LRP2: variants seen among roughly 807,000 people sequenced by gnomAD.
LRP2 encodes the protein LDL receptor related protein 2.
A neutral mutation model predicts 531.0 loss-of-function variants in LRP2; 172 were observed. The ratio of observed to expected loss-of-function variants is 0.32; its 90% CI spans 0.29 to 0.37. The LOEUF (loss-of-function observed/expected upper bound fraction) is 0.37, where lower values mean the gene tolerates loss of function less well. Ranked by LOEUF, LRP2 falls within the 10% of genes least tolerant of loss-of-function variation. LRP2 has a pLI of 1.00. For synonymous variants in LRP2, 1,992 were observed against 2,027.6 expected, an observed-to-expected ratio of 0.98 and a Z score of 0.47; for missense variants, 5,167 against 5,868.3, an observed-to-expected ratio of 0.88 and a Z score of 3.90.
intron 59 of LRP2, 21 bp downstream of exon 59, chr2:169,170,530 A>T (rs776617970): frequency 6.3e-6 from 10 of 1,584,092 alleles, no homozygotes; most frequent in Non-Finnish European, 8.7e-6. Context: ...TTCTATGGTA[A>T]GCTTCTCAAA....
intron 47 of LRP2, among the ~76,000 whole-genome samples, chr2:169,192,530 G>A (rs1057391480): frequency 6.6e-6 from 1 of 152,060 alleles, no homozygotes; most frequent in Non-Finnish European, 1.5e-5. Flanking sequence ...TCAAACCTAG[G>A]TCTTTCTCCT....
intron 47 of LRP2, 80 bp from the exon 48 acceptor site, chr2:169,192,113 C>A: frequency 9.3e-7 from 1 of 1,071,434 alleles, no homozygotes; most frequent in South Asian, 1.5e-5. Context: ...ATGTTACTTA[C>A]CATTCTAAGT....
rs1689678814 is a variant in LRP2, at chr2:169,238,269, T to G, written c.4328A>C (p.Gln1443Pro). 1.9e-6 allele frequency: 3 copies of G among 1,614,176 alleles called. No homozygotes were observed. In the African/African-American group the frequency reaches 4.0e-5, roughly 22 times the overall value. Residue 1443 changes from glutamine (Q) to proline (P), a missense_variant, in exon 27 of 79, where the codon CAG (glutamine) becomes CCG (proline). This residue lies in a region of LRP2 where 2,811 missense variants were observed against 3,058.0 expected (regional missense o/e 0.92). Coordinates refer to ENST00000649046, the MANE Select transcript of LRP2 (RefSeq NM_004525.3). The part of the protein sequence containing the change: ...SESLLLLVAS[Q>P]NKIIADSVTS... ...GACACTGTCGGCAATAATTTTGTTC[T>G]GACTTGCCACAAGTAACAGCAGACT... is the stretch of plus-strand genomic sequence containing the variant.
rs555934286 is a variant in LRP2, at chr2:169,266,650, G to A, written c.2320+4254C>T. ...ACCAGGCAGTGTAGCTCCTAAGCTG[G>A]CTCTCTTAGTTGGTATGTTATATTG... is the stretch of plus-strand genomic sequence containing the variant. On this transcript the variant is annotated intron_variant, in intron 16 of 78. Transcript: ENST00000649046. 3.3e-5 allele frequency among the ~76,000 whole-genome samples: 5 copies of A among 152,068 alleles called. No individual in the cohort carries two copies. In the East Asian group the frequency reaches 9.7e-4, roughly 30 times the overall value.
chr2:169,203,237 C>A (rs1378192206), intron 42 of LRP2, among the ~76,000 whole-genome samples: 2 of 152,238 alleles, frequency 1.3e-5, no homozygotes, highest in East Asian at 3.8e-4. Flanking sequence ...TCAAAAGGCA[C>A]ATCTTCCCGT....
chr2:169,300,642 G>A (rs1375306691), intron 4 of LRP2, among the ~76,000 whole-genome samples: 2 of 151,990 alleles, frequency 1.3e-5, no homozygotes, highest in African/African-American at 4.8e-5. Context: ...TTGTATGATG[G>A]AAACTAAATA....
intron 3 of LRP2, among the ~76,000 whole-genome samples, chr2:169,314,380 G>A (rs1559071161): frequency 6.6e-6 from 1 of 151,388 alleles, no homozygotes; most frequent in Non-Finnish European, 1.5e-5. Flanking sequence ...CTATAATCAT[G>A]CCACTGCACT....
chr2:169,170,056 G>A lies in LRP2; in HGVS notation c.11381-238C>T, dbSNP rs569700285. On this transcript the variant is annotated intron_variant, in intron 59 of 78. Coordinates refer to ENST00000649046, the MANE Select transcript of LRP2 (RefSeq NM_004525.3). ...ATATTAAATAATCTCCAGCTCTTAA[G>A]CTTTTCCTCAGAAATCGGAATTCCC... 3.3e-5 allele frequency among the ~76,000 whole-genome samples: 5 copies of A among 152,286 alleles called. No homozygotes were observed. The South Asian group carries it at 1.0e-3, about 32-fold the overall frequency.
Position 169,204,265 on chromosome 2 carries a change from C to A in LRP2, c.7722G>T (p.Arg2574Ser). The A allele has an allele frequency of 1.2e-6, 2 of 1,612,518 alleles. No homozygotes were observed. Among genetic ancestry groups the A allele is most frequent in the Non-Finnish European group, 8.5e-7 (1 of 1,180,000 alleles). ...CGCCCGTCAGAGTGCTGCGTTCAAT[C>A]CTCTGCCTAAAATGAAGCAAAAAAA... The part of the protein sequence containing the change: ...LLYWVDASLQ[R>S]IERSTLTGVD... The change falls in exon 42 of 79, where the codon AGG becomes AGT. Residue 2574 changes from arginine (R) to serine (S), a missense_variant. By Grantham distance (110) the Arg-to-Ser change is moderately radical. This residue lies in a region of LRP2 where 1,129 missense variants were observed against 1,362.7 expected (regional missense o/e 0.83). Coordinates refer to ENST00000649046, the MANE Select transcript of LRP2 (RefSeq NM_004525.3).
At chr2:169,279,094 G>A (rs977413259) in intron 12 of LRP2, among the ~76,000 whole-genome samples, 2 of 152,114 alleles carry the variant, frequency 1.3e-5, no homozygotes, top group African/African-American at 2.4e-5. Flanking sequence ...CTAGGAAAAC[G>A]TGGCAAACAC....
intron 15 of LRP2, among the ~76,000 whole-genome samples, chr2:169,272,489 C>T (rs780058276): frequency 4.6e-5 from 7 of 152,026 alleles, no homozygotes; most frequent in African/African-American, 7.2e-5. Flanking sequence ...AAGGGGCATA[C>T]GTGGTGGTCT....
At position 169,239,613 on chromosome 2, in the gene LRP2, T is replaced by C. The variant is rs755916863; in HGVS notation, c.4208A>G (p.His1403Arg). Residue 1403 changes from histidine (H) to arginine (R), a missense_variant, in exon 26 of 79, where the codon CAC becomes CGC. His to Arg is a conservative substitution (Grantham distance 29). Around this residue, in one of 6 missense-constraint regions of LRP2, gnomAD observed 2,811 missense variants for 3,058.0 expected, o/e 0.92. Coordinates refer to ENST00000649046, the MANE Select transcript of LRP2 (RefSeq NM_004525.3). ...ECDILGSCSQHCYNMRGSFRC... is the reference protein window; with the variant it reads ...ECDILGSCSQRCYNMRGSFRC... Reference sequence around the variant, plus strand: ...GAAAGAACCTCTCATATTGTAACAGTGCTGGCTACAAGAGCCTAGAATATC... The same window carrying C: ...GAAAGAACCTCTCATATTGTAACAGCGCTGGCTACAAGAGCCTAGAATATC... The C allele has an allele frequency of 4.3e-6, 7 of 1,614,108 alleles. No individual in the cohort carries two copies. In the Admixed American group the frequency reaches 6.7e-5, roughly 15 times the overall value.
intron 36 of LRP2, among the ~76,000 whole-genome samples, chr2:169,212,780 A>AG (rs1688640374): frequency 7.2e-6 from 1 of 138,032 alleles, no homozygotes. Flanking sequence ...GAAGGGTGGG[A>AG]GGGGGGCGAG....
rs145135773 is a variant in LRP2 at position 169,342,735 on chromosome 2, A to G, written c.79+19586T>C. Among the ~76,000 whole-genome samples, 157 of 152,254 alleles carry G rather than the reference A, an allele frequency of 1.0e-3. No individual in the cohort carries two copies. The Middle Eastern group carries it at 0.024, about 23-fold the overall frequency. On this transcript the variant is annotated intron_variant, in intron 1 of 78. Coordinates refer to ENST00000649046, the MANE Select transcript of LRP2 (RefSeq NM_004525.3). Reference sequence around the variant, plus strand: ...TATAGACCTCTCACCCTGTAGCACAATTGTTTATTTGCATGTCTTATTCAT... The same window carrying G: ...TATAGACCTCTCACCCTGTAGCACAGTTGTTTATTTGCATGTCTTATTCAT...
chr2:169,277,193 CAAAAAA>C (rs5836227), intron 13 of LRP2, among the ~76,000 whole-genome samples: 1 of 88,156 alleles, frequency 1.1e-5, no homozygotes, highest in Non-Finnish European at 2.2e-5. Flanking sequence ...GACTCCATCT[CAAAAAA>C]AAAAAAAAAA....
At chr2:169,261,693 G>A (rs1690561215) in intron 16 of LRP2, among the ~76,000 whole-genome samples, 1 of 152,088 alleles carries the variant, frequency 6.6e-6, no homozygotes, top group Non-Finnish European at 1.5e-5. Flanking sequence ...CATTCCTTCT[G>A]AAATGATTCC....
At position 169,198,858 on chromosome 2, in the gene LRP2, T is replaced by C. The variant is rs781615783; in HGVS notation, c.8506A>G (p.Ile2836Val). 25 of 1,613,876 alleles carry C rather than the reference T, an allele frequency of 1.5e-5. No homozygotes were observed. The East Asian group carries it at 4.9e-4, about 32-fold the overall frequency. ...CCGTCACACAAATAAACGCGAGGAA[T>C]ACAAATATTTGAATTATGACATTTT... ...YTKCHNSNIC[I>V]PRVYLCDGDN... Residue 2836 changes from isoleucine to valine, a missense_variant, in exon 45 of 79, where the codon ATT becomes GTT. Physicochemically the swap from Ile to Val is conservative, Grantham distance 29. This residue lies in a region of LRP2 where 1,129 missense variants were observed against 1,362.7 expected (regional missense o/e 0.83). Transcript: ENST00000649046.
In LRP2 at chr2:169,277,945, T is replaced by G. The variant is rs778802213; in HGVS notation, c.1572A>C (p.Leu524Phe). The G allele has an allele frequency of 6.2e-7, 1 of 1,612,808 alleles. No homozygotes were observed. Among genetic ancestry groups the G allele is most frequent in the Non-Finnish European group, 8.5e-7 (1 of 1,179,128 alleles). Residue 524 changes from leucine (L) to phenylalanine (F), a missense_variant, in exon 13 of 79, where the codon TTA becomes TTC. This residue lies in a region of LRP2 where 2,811 missense variants were observed against 3,058.0 expected (regional missense o/e 0.92). Transcript: ENST00000649046. ...GIAVDPTVGYLFFSDWESLSG... is the reference protein window; with the variant it reads ...GIAVDPTVGYFFFSDWESLSG... ...AAAGGCTCTCCCAATCTGAGAAAAATAAATAACTACAAAAGAAAAACAGAA... is the reference window on the plus strand; with the variant it reads ...AAAGGCTCTCCCAATCTGAGAAAAAGAAATAACTACAAAAGAAAAACAGAA...
Position 169,292,239 on chromosome 2 carries a change from C to G in LRP2, c.769+14G>C. The G allele has an allele frequency of 6.5e-7, 1 of 1,542,812 alleles. No homozygotes were observed. Among genetic ancestry groups the G allele is most frequent in the Non-Finnish European group, 9.0e-7 (1 of 1,114,886 alleles). ...AGAAAATGCTTTTCAGTAGGAATCT[C>G]TTCCCCTCCTTACCACATCCATCTT... On this transcript the variant is annotated intron_variant, in intron 7 of 78. Transcript: ENST00000649046.
Sources: allele counts gnomAD v4.1 joint callset (sites outside exome capture counted in the v4.1 genomes callset), GRCh38; gene constraint gnomAD v4.1.1; regional missense constraint gnomAD v4.1.1; transcripts MANE v1.5; gene names NCBI Gene and HGNC (gene_info 2026-07-23, HGNC 2026-07-21).